The following ZFPM2 variants were observed in gnomAD, a reference collection of about 807,000 sequenced individuals.
The protein encoded by ZFPM2 is zinc finger protein ZFPM2.
Under a neutral mutation model 98.6 loss-of-function variants are expected in ZFPM2, and 20 were observed. That is an observed-to-expected ratio of 0.20 (90% CI 0.14 to 0.29). The LOEUF (loss-of-function observed/expected upper bound fraction) is 0.29, where lower values mean the gene tolerates loss of function less well. Ranked by LOEUF, ZFPM2 falls within the 10% of genes least tolerant of loss-of-function variation. ZFPM2 has a pLI of 1.00. For synonymous variants in ZFPM2, 518 were observed against 502.7 expected (o/e 1.03, Z -0.41); for missense variants, 1,310 against 1,388.6 (o/e 0.94, Z 0.90).
intron 1 of ZFPM2, among the ~76,000 whole-genome samples, chr8:105,365,389 T>G (rs1810487236): frequency 6.6e-6 from 1 of 152,164 alleles, no homozygotes; most frequent in Non-Finnish European, 1.5e-5. Context: ...TTCCAGTGGA[T>G]GGTAAGCCTG....
chr8:105,521,136 C>A (rs913624012), intron 3 of ZFPM2, among the ~76,000 whole-genome samples: 3 of 148,778 alleles, frequency 2.0e-5, no homozygotes, highest in African/African-American at 5.1e-5. Context: ...TATATATACA[C>A]ACACACACAC....
intron 5 of ZFPM2, among the ~76,000 whole-genome samples, chr8:105,635,238 A>G (rs1816824371): frequency 6.6e-6 from 1 of 152,222 alleles, no homozygotes; most frequent in Admixed American, 6.5e-5. Flanking sequence ...CATTGAACCT[A>G]GAAACCATAA....
chr8:105,424,263 T>C (rs1811861891), intron 2 of ZFPM2, among the ~76,000 whole-genome samples: 1 of 152,222 alleles, frequency 6.6e-6, no homozygotes, highest in South Asian at 2.1e-4. Flanking sequence ...GCTGATGTTA[T>C]GATTTTAAAA....
intron 5 of ZFPM2, chr8:105,787,712 C>T (rs145289050): frequency 1.3e-5 from 2 of 151,700 alleles, no homozygotes; most frequent in Non-Finnish European, 2.9e-5. Context: ...GTGCAATACA[C>T]AGCCTTCCAA....
At chr8:105,416,599 A>G (rs1563648826) in intron 1 of ZFPM2, among the ~76,000 whole-genome samples, 1 of 151,916 alleles carries the variant, frequency 6.6e-6, no homozygotes, top group East Asian at 1.9e-4. Context: ...CTCAGAGTAT[A>G]TATTCCAAAA....
At chr8:105,431,004 A>G (rs1812008909) in intron 2 of ZFPM2, among the ~76,000 whole-genome samples, 1 of 151,498 alleles carries the variant, frequency 6.6e-6, no homozygotes, top group African/African-American at 2.4e-5. Context: ...CACGAGTTCA[A>G]GCGATTCTCC....
intron 3 of ZFPM2, among the ~76,000 whole-genome samples, chr8:105,449,888 T>C (rs938471719): frequency 9.9e-5 from 15 of 152,268 alleles, no homozygotes; most frequent in African/African-American, 3.4e-4. Context: ...GCCATTACAA[T>C]GCCTTACATG....
intron 4 of ZFPM2, among the ~76,000 whole-genome samples, chr8:105,608,166 G>A (rs1056857492): frequency 6.6e-6 from 1 of 152,006 alleles, no homozygotes; most frequent in African/African-American, 2.4e-5. Context: ...GACGGACACT[G>A]GGGACTACTT....
chr8:105,637,282 C>T (rs1390585934), intron 5 of ZFPM2, among the ~76,000 whole-genome samples: 1 of 151,972 alleles, frequency 6.6e-6, no homozygotes, highest in Non-Finnish European at 1.5e-5. Context: ...TGATGAGTAA[C>T]AATCAAAACC....
chr8:105,351,746 C>T (rs1812650573), intron 1 of ZFPM2, among the ~76,000 whole-genome samples: 1 of 151,570 alleles, frequency 6.6e-6, no homozygotes, highest in Non-Finnish European at 1.5e-5. Flanking sequence ...TCTTTATTCT[C>T]TGAACCAAAT....
At chr8:105,490,060 A>AT (rs1282446979) in intron 3 of ZFPM2, among the ~76,000 whole-genome samples, 37 of 152,154 alleles carry the variant, frequency 2.4e-4, no homozygotes, top group African/African-American at 8.9e-4. Flanking sequence ...CAGCCCGACC[A>AT]ACATGGTGAA....
chr8:105,517,659 G>C (rs1428529988), intron 3 of ZFPM2, among the ~76,000 whole-genome samples: 1 of 143,938 alleles, frequency 6.9e-6, no homozygotes, highest in Non-Finnish European at 1.5e-5. Flanking sequence ...AGACCAGCCT[G>C]GGGAACATAG....
chr8:105,454,727 C>G (rs901633664), intron 3 of ZFPM2, among the ~76,000 whole-genome samples: 1 of 152,112 alleles, frequency 6.6e-6, no homozygotes, highest in Admixed American at 6.6e-5. Flanking sequence ...GTCTTCCCTT[C>G]GTCCACTATT....
chr8:105,427,872 A>G (rs1467284297), intron 2 of ZFPM2, among the ~76,000 whole-genome samples: 3 of 152,224 alleles, frequency 2.0e-5, no homozygotes, highest in South Asian at 2.1e-4. Context: ...GCCAGTTACA[A>G]TAATTTTAAT....
chr8:105,735,916 C>A (rs1397365157), intron 5 of ZFPM2, among the ~76,000 whole-genome samples: 1 of 151,988 alleles, frequency 6.6e-6, no homozygotes, highest in African/African-American at 2.4e-5. Flanking sequence ...AGCAAGCTAG[C>A]ACCTCTAGCT....
intron 2 of ZFPM2, among the ~76,000 whole-genome samples, chr8:105,428,763 G>C (rs932765148): frequency 1.3e-5 from 2 of 152,176 alleles, no homozygotes; most frequent in Non-Finnish European, 2.9e-5. Flanking sequence ...GGCATTGTTT[G>C]CAGGGAAAGC....
intron 3 of ZFPM2, among the ~76,000 whole-genome samples, chr8:105,515,196 A>AT (rs1206306473): frequency 6.6e-6 from 1 of 152,238 alleles, no homozygotes; most frequent in East Asian, 1.9e-4. Flanking sequence ...CCATGTATTA[A>AT]TTTCAAATAG....
intron 3 of ZFPM2, among the ~76,000 whole-genome samples, chr8:105,492,177 G>A (rs1813368582): frequency 1.3e-5 from 2 of 152,108 alleles, no homozygotes; most frequent in South Asian, 2.1e-4. Context: ...TTTACTGTGC[G>A]TTTTTAAGCT....
In ZFPM2 at chr8:105,327,126, G is replaced by C. The variant is rs1812129556; in HGVS notation, c.40+8145G>C. 2.6e-5 allele frequency among the ~76,000 whole-genome samples: 4 copies of C among 151,270 alleles called. No homozygotes were observed. The South Asian group carries it at 6.2e-4, about 24-fold the overall frequency. ...ATCCACATTTGGAAAACTTTTGTGG[G>C]CATCTCTTATTGAGAGAGAAAAAAA... On this transcript the variant is annotated intron_variant, in intron 1 of 7. Transcript: ENST00000407775.
Sources: gnomAD v4.1 joint callset for allele counts (sites outside exome capture counted in the v4.1 genomes callset) on GRCh38, gnomAD v4.1.1 for gene constraint, MANE v1.5 for transcripts, NCBI Gene and HGNC (gene_info 2026-07-23, HGNC 2026-07-21) for gene names.